The following CDK5RAP2 variants were observed in gnomAD, a reference collection of about 807,000 sequenced individuals.
CDK5RAP2 encodes CDK5 regulatory subunit associated protein 2, also known as CDK5 regulatory subunit-associated protein 2.
Under a neutral mutation model 232.9 loss-of-function variants are expected in CDK5RAP2, and 147 were observed. That is an observed-to-expected ratio of 0.63 (90% CI 0.55 to 0.72). The LOEUF (loss-of-function observed/expected upper bound fraction) is 0.72. Among genes scored for constraint, CDK5RAP2 ranks in the 30% least tolerant of loss-of-function variants. The pLI, the probability that CDK5RAP2 is intolerant of heterozygous loss-of-function variation, is 0.00. For synonymous variants in CDK5RAP2, 833 were observed against 833.7 expected, an observed-to-expected ratio of 1.00 and a Z score of 0.01; for missense variants, 2,195 against 2,231.5, an observed-to-expected ratio of 0.98 and a Z score of 0.33.
At chr9:120,565,045 T>C (rs1465677193) in intron 3 of CDK5RAP2, among the ~76,000 whole-genome samples, 1 of 152,162 alleles carries the variant, frequency 6.6e-6, no homozygotes, top group East Asian at 1.9e-4. Context: ...TATTAGACAA[T>C]GGATTACCAG....
intron 25 of CDK5RAP2, among the ~76,000 whole-genome samples, chr9:120,425,144 C>A (rs2034814646): frequency 6.6e-6 from 1 of 152,142 alleles, no homozygotes; most frequent in Non-Finnish European, 1.5e-5. Flanking sequence ...AACTCATGAC[C>A]ACACCAGGAT....
At chr9:120,514,062 T>G (rs1167360048) in intron 12 of CDK5RAP2, among the ~76,000 whole-genome samples, 1 of 152,154 alleles carries the variant, frequency 6.6e-6, no homozygotes, top group Non-Finnish European at 1.5e-5. Flanking sequence ...GATGGACACA[T>G]CAAATTCATA....
At chr9:120,404,420 AC>A (rs1432897983) in intron 32 of CDK5RAP2, among the ~76,000 whole-genome samples, 1 of 152,176 alleles carries the variant, frequency 6.6e-6, no homozygotes, top group Non-Finnish European at 1.5e-5. Flanking sequence ...GAGGGGCACT[AC>A]CCCCAACTTG....
chr9:120,436,417 C>T lies in CDK5RAP2; in HGVS notation c.3955+878G>A, dbSNP rs559269752. Among the ~76,000 whole-genome samples the T allele has an allele frequency of 1.2e-4, 19 of 152,052 alleles. 1 individual carries two copies. The South Asian group carries it at 4.0e-3, about 32-fold the overall frequency. ...TAAATGTAACGTGGAGACTGGATCC[C>T]GGACCAGGATCAGGATCCAGAATAA... On this transcript the variant is annotated intron_variant, in intron 25 of 37. Coordinates refer to ENST00000349780, the MANE Select transcript of CDK5RAP2 (RefSeq NM_018249.6).
Position 120,389,144 on chromosome 9 carries a change from T to C in CDK5RAP2, c.*92A>G. Reference sequence around the variant, plus strand: ...AGATTTCCTTTGGCCAGACAGCTCTTTCTTCCTCAATAAATAGGAACCACA... The same window carrying C: ...AGATTTCCTTTGGCCAGACAGCTCTCTCTTCCTCAATAAATAGGAACCACA... On this transcript the variant is annotated 3_prime_UTR_variant, in exon 38 of 38. Transcript: ENST00000349780. 1 of 1,085,610 alleles carries C rather than the reference T, an allele frequency of 9.2e-7. No individual in the cohort carries two copies. The highest frequency in any genetic ancestry group is 1.4e-6 in the Non-Finnish European group (1 of 722,212). The allele number at this position is 1,085,610 out of a possible 1,614,324, so 67.2% of individuals were successfully genotyped here. A position where few individuals can be genotyped will look rare whatever the true frequency, so the allele number is the denominator to read the frequency against.
At chr9:120,423,213 C>T (rs1028791623) in intron 25 of CDK5RAP2, among the ~76,000 whole-genome samples, 1 of 152,138 alleles carries the variant, frequency 6.6e-6, no homozygotes, top group African/African-American at 2.4e-5. Flanking sequence ...ATTTCTCTTA[C>T]TAAATTTGCT....
chr9:120,511,776 C>T (rs1216707138), intron 12 of CDK5RAP2, among the ~76,000 whole-genome samples: 5 of 135,670 alleles, frequency 3.7e-5, no homozygotes, highest in East Asian at 4.2e-4. Context: ...CTCGCTCTGT[C>T]GCCCAGGCTG....
At chr9:120,498,718 A>AATATATATATATATAT (rs145678067) in intron 12 of CDK5RAP2, among the ~76,000 whole-genome samples, 2 of 147,284 alleles carry the variant, frequency 1.4e-5, no homozygotes, top group African/African-American at 5.0e-5. Flanking sequence ...AAAGGCTTTA[A>AATATATATATATATAT]ATATATATAT....
intron 25 of CDK5RAP2, among the ~76,000 whole-genome samples, chr9:120,429,865 C>A (rs1218552233): frequency 2.6e-5 from 4 of 152,176 alleles, no homozygotes; most frequent in Non-Finnish European, 5.9e-5. Context: ...AACTATACTA[C>A]AAGGCTACAG....
chr9:120,408,396 C>T lies in CDK5RAP2; in HGVS notation c.4677G>A (p.Val1559=). Residue 1559 remains valine (V), a synonymous_variant, in exon 31 of 38, where the codon GTG becomes GTA. Coordinates refer to ENST00000349780, the MANE Select transcript of CDK5RAP2 (RefSeq NM_018249.6). ...CCAGCTTCTCATACGCCTTCAGCTC[C>T]ACTCGGAGAGACTGCAATAGCTTGT... ...QNDKLLQSLR[V]ELKAYEKLDE... The T allele has an allele frequency of 6.2e-7, 1 of 1,614,198 alleles. No homozygotes were observed. Among genetic ancestry groups the T allele is most frequent in the South Asian group, 1.1e-5 (1 of 91,084 alleles).
At chr9:120,453,975 T>C in intron 20 of CDK5RAP2, 102 bp from the exon 21 acceptor site, 1 of 1,209,176 alleles carries the variant, frequency 8.3e-7, no homozygotes, top group Non-Finnish European at 1.2e-6. Context: ...TTGCCCAGAT[T>C]CCATCAAAAC....
chr9:120,437,155 A>G (rs865790081), intron 25 of CDK5RAP2, 140 bp downstream of exon 25: 111 of 706,402 alleles, frequency 1.6e-4, no homozygotes, highest in African/African-American at 1.5e-3. Flanking sequence ...AGCAGCAGCC[A>G]GTGTGGTTCT....
chr9:120,491,294 A>T lies in CDK5RAP2; in HGVS notation c.1482+13T>A, dbSNP rs1327447570. The T allele has an allele frequency of 1.2e-6, 2 of 1,605,292 alleles. No homozygotes were observed. Among genetic ancestry groups the T allele is most frequent in the African/African-American group, 2.7e-5 (2 of 74,862 alleles). ...TGCCAAATTAAAAAATTTAAATACA[A>T]AAGTTACAGTACCTGAAGCAACACG... On this transcript the variant is annotated intron_variant, in intron 13 of 37. Transcript: ENST00000349780.
At position 120,490,277 on chromosome 9, in the gene CDK5RAP2, T is replaced by C. The variant is rs115112725; in HGVS notation, c.1482+1030A>G. ...AGGTATTTTGCTGGAGGACCCCCAA[T>C]TGTCAGCATTTTTCAGTTGTTTCTC... On this transcript the variant is annotated intron_variant, in intron 13 of 37. Transcript: ENST00000349780. Among the ~76,000 whole-genome samples, 1,002 of 152,312 alleles carry C rather than the reference T, an allele frequency of 6.6e-3. 17 individuals are homozygous for C. The highest frequency in any genetic ancestry group is 0.023 in the African/African-American group (956 of 41,560).
intron 22 of CDK5RAP2, among the ~76,000 whole-genome samples, chr9:120,444,286 A>T (rs1278083649): frequency 6.6e-6 from 1 of 152,232 alleles, no homozygotes; most frequent in Non-Finnish European, 1.5e-5. Flanking sequence ...ATTTTAAAAA[A>T]TGGCAAGCTA....
At chr9:120,497,420 TTAAAAAAAAAA>T (rs2039345999) in intron 12 of CDK5RAP2, among the ~76,000 whole-genome samples, 1 of 22,130 alleles carries the variant, frequency 4.5e-5, no homozygotes, top group African/African-American at 9.2e-5. Flanking sequence ...AAAAATAAAT[TTAAAAAAAAAA>T]AAAAAAAAAA....
chr9:120,470,167 C>T lies in CDK5RAP2; in HGVS notation c.1912G>A (p.Glu638Lys). 2 of 1,599,008 alleles carry T rather than the reference C, an allele frequency of 1.3e-6. No individual in the cohort carries two copies. The highest frequency in any genetic ancestry group is 1.7e-6 in the Non-Finnish European group (2 of 1,168,512). ...TCCACTTGAAACCGATTGTTTTCTT[C>T]AAGGCAAATACTTAGATAAGATGTT... is the stretch of plus-strand genomic sequence containing the variant. ...DQTSYLSICL[E>K]ENNRFQVEHF... is the part of the protein sequence containing the mutation. Residue 638 changes from glutamate to lysine, a missense_variant, in exon 17 of 38, where the codon GAA becomes AAA. By Grantham distance (56) the Glu-to-Lys change is moderately conservative. Transcript: ENST00000349780.
At chr9:120,419,605 T>G (rs377425838) in intron 27 of CDK5RAP2, among the ~76,000 whole-genome samples, 183 bp downstream of exon 27, 2 of 152,180 alleles carry the variant, frequency 1.3e-5, no homozygotes, top group African/African-American at 4.8e-5. Flanking sequence ...CGCCAACACT[T>G]TCAACAACCA....
chr9:120,473,995 T>TGG lies in CDK5RAP2; in HGVS notation c.1728-2119_1728-2118dup, dbSNP rs372752715. Among the ~76,000 whole-genome samples the TGG allele has an allele frequency of 4.0e-3, 615 of 152,304 alleles. 3 individuals carry two copies. The highest frequency in any genetic ancestry group is 0.014 in the African/African-American group (574 of 41,560). On this transcript the variant is annotated intron_variant, in intron 15 of 37. Transcript: ENST00000349780. ...ACAAAAACCTTCCTCTTCCTGGAACTGGGGCAGGGCAGACAGGAGCAGAAA... is the reference window on the plus strand; with the variant it reads ...ACAAAAACCTTCCTCTTCCTGGAACTGGGGGGCAGGGCAGACAGGAGCAGAAA...
Sources: allele counts gnomAD v4.1 joint callset (sites outside exome capture counted in the v4.1 genomes callset), GRCh38; gene constraint gnomAD v4.1.1; transcripts MANE v1.5; gene names NCBI Gene and HGNC (gene_info 2026-07-23, HGNC 2026-07-21).